The following VPS13B variants were observed in gnomAD, a reference collection of about 807,000 sequenced individuals.
VPS13B encodes the protein intermembrane lipid transfer protein VPS13B.
Under a neutral mutation model 426.4 loss-of-function variants are expected in VPS13B, and 285 were observed. The observed-to-expected ratio is 0.67, with a 90% CI of 0.61 to 0.74. The LOEUF (loss-of-function observed/expected upper bound fraction) is 0.74, where lower values mean the gene tolerates loss of function less well. VPS13B is among the 30% of genes least tolerant of loss of function. VPS13B has a pLI of 0.00. For missense variants in VPS13B, 4,537 were observed against 4,782.6 expected (o/e 0.95, Z 1.51); for synonymous variants, 1,676 against 1,676.4 (o/e 1.00, Z 0.01).
At chr8:99,136,633 T>C (rs775045751) in intron 11 of VPS13B, 32 bp from the exon 12 acceptor site, 1 of 1,610,354 alleles carries the variant, frequency 6.2e-7, no homozygotes, top group Non-Finnish European at 8.5e-7. Context: ...TTTTATACAA[T>C]GTTTATTCTG....
intron 33 of VPS13B, among the ~76,000 whole-genome samples, chr8:99,637,914 A>T (rs1829134611): frequency 6.6e-6 from 1 of 152,146 alleles, no homozygotes; most frequent in Admixed American, 6.6e-5. Context: ...ATGGAACTCA[A>T]CCTAAAGGAT....
chr8:99,456,269 A>G (rs1238848987), intron 23 of VPS13B, among the ~76,000 whole-genome samples: 12 of 152,112 alleles, frequency 7.9e-5, no homozygotes, highest in Non-Finnish European at 1.3e-4. Context: ...CCTGGGTTCA[A>G]GTGATTCTCG....
intron 21 of VPS13B, among the ~76,000 whole-genome samples, chr8:99,401,400 A>C (rs957398715): frequency 6.6e-6 from 1 of 152,232 alleles, no homozygotes; most frequent in Admixed American, 6.5e-5. Context: ...TTAACTGTAC[A>C]TGGTAAATTG....
intron 14 of VPS13B, 123 bp from the exon 15 acceptor site, chr8:99,156,426 G>T (rs976585381): frequency 6.7e-5 from 56 of 833,718 alleles, no homozygotes; most frequent in Non-Finnish European, 9.8e-5. Context: ...CTGTAGAAAG[G>T]CATCATTTCT....
intron 59 of VPS13B, among the ~76,000 whole-genome samples, chr8:99,869,676 T>C (rs373992779): frequency 3.0e-4 from 45 of 152,308 alleles, no homozygotes; most frequent in African/African-American, 8.9e-4. Context: ...TCTTTTGGTT[T>C]TGAAAATGCC....
At position 99,163,772 on chromosome 8, in the gene VPS13B, G is replaced by A. The variant is rs535166203; in HGVS notation, c.2209-6267G>A. On this transcript the variant is annotated intron_variant, in intron 15 of 61. Coordinates refer to ENST00000357162, the MANE Select transcript of VPS13B (RefSeq NM_152564.5). Reference sequence around the variant, plus strand: ...CCGCACACAGCCCCGGTTCCCGCTCGCGCCTCTCCCTCCACACCTCCCTGC... The same window carrying A: ...CCGCACACAGCCCCGGTTCCCGCTCACGCCTCTCCCTCCACACCTCCCTGC... Among the ~76,000 whole-genome samples the A allele has an allele frequency of 2.7e-4, 38 of 141,122 alleles. 1 individual carries two copies. Among genetic ancestry groups the A allele is most frequent in the Middle Eastern group, 7.0e-3 (2 of 284 alleles). The allele number at this position is 141,122 out of a possible 152,430, so 92.6% of individuals were successfully genotyped here.
intron 19 of VPS13B, among the ~76,000 whole-genome samples, chr8:99,352,215 GTAA>G (rs549851278): frequency 6.0e-4 from 92 of 152,154 alleles, no homozygotes; most frequent in Non-Finnish European, 1.1e-3. Flanking sequence ...AGTTATACCA[GTAA>G]TAGGCAGTCC....
intron 19 of VPS13B, among the ~76,000 whole-genome samples, chr8:99,368,378 G>T (rs16897313): frequency 0.02 from 3,098 of 152,230 alleles, 113 homozygotes; most frequent in African/African-American, 0.071. Context: ...GCTTCTCAAT[G>T]TGTTTATATG....
chr8:99,607,543 G>C (rs577802830), intron 33 of VPS13B, among the ~76,000 whole-genome samples: 2 of 152,264 alleles, frequency 1.3e-5, no homozygotes, highest in South Asian at 4.1e-4. Flanking sequence ...AAGCTCAAAA[G>C]TTAATAAGAG....
At chr8:99,189,382 A>G (rs550963870) in intron 16 of VPS13B, among the ~76,000 whole-genome samples, 19 of 152,220 alleles carry the variant, frequency 1.2e-4, no homozygotes, top group Admixed American at 2.0e-4. Context: ...ACTTCTTCGT[A>G]GCTGCACATT....
At chr8:99,448,163 T>TTATG (rs4068603) in intron 23 of VPS13B, among the ~76,000 whole-genome samples, 2 of 147,286 alleles carry the variant, frequency 1.4e-5, no homozygotes, top group Non-Finnish European at 3.0e-5. Flanking sequence ...ATTTATTTAT[T>TTATG]GCAAGAACTG....
At chr8:99,159,655 T>C (rs1811539762) in intron 15 of VPS13B, among the ~76,000 whole-genome samples, 1 of 152,140 alleles carries the variant, frequency 6.6e-6, no homozygotes, top group Admixed American at 6.6e-5. Context: ...TTTTTAGCAA[T>C]AAAGTACTTT....
Position 99,442,522 on chromosome 8 carries a change from C to T in VPS13B, c.3332C>T (p.Pro1111Leu), listed in dbSNP as rs576973103. Residue 1111 changes from proline (P) to leucine (L), a missense_variant, in exon 23 of 62, where the codon CCG becomes CTG. Physicochemically the swap from Pro to Leu is moderately conservative, Grantham distance 98 (BLOSUM62 -3). This residue lies in a region of VPS13B where 4,311 missense variants were observed against 4,474.3 expected (regional missense o/e 0.96). Coordinates refer to ENST00000357162, the MANE Select transcript of VPS13B (RefSeq NM_152564.5). ...RSWYHGQTSM[P>L]GTLVLCLPQI... Reference sequence around the variant, plus strand: ...TGGTACCATGGACAAACCAGCATGCCGGGAACACTTGTCCTCTGTTTGCCT... The same window carrying T: ...TGGTACCATGGACAAACCAGCATGCTGGGAACACTTGTCCTCTGTTTGCCT... 4.0e-5 allele frequency: 65 copies of T among 1,613,880 alleles called. No homozygotes were observed. The South Asian group carries it at 5.9e-4, about 15-fold the overall frequency.
intron 25 of VPS13B, among the ~76,000 whole-genome samples, chr8:99,497,094 ATATT>A (rs984620505): frequency 1.2e-3 from 169 of 143,454 alleles, no homozygotes; most frequent in African/African-American, 4.1e-3. Context: ...ATAAATATAT[ATATT>A]TATGTAATAT....
chr8:99,263,544 T>G (rs1216629115), intron 17 of VPS13B, among the ~76,000 whole-genome samples: 1 of 152,190 alleles, frequency 6.6e-6, no homozygotes, highest in Non-Finnish European at 1.5e-5. Flanking sequence ...TTTTTCTAGC[T>G]TTTAGAAATT....
chr8:99,640,701 T>A (rs927561489), intron 33 of VPS13B, among the ~76,000 whole-genome samples: 1 of 152,232 alleles, frequency 6.6e-6, no homozygotes, highest in African/African-American at 2.4e-5. Context: ...AAATGAAATG[T>A]TATGCAGCTT....
chr8:99,854,404 ATCTAGAGCCTGCCACTGTTAGC>A, intron 56 of VPS13B, 148 bp downstream of exon 56: 1 of 954,318 alleles, frequency 1.0e-6, no homozygotes, highest in South Asian at 1.4e-5. Flanking sequence ...CTGGATCTAA[ATCTAGAGCCTGCCACTGTTAGC>A]TGTAAGACTT....
intron 35 of VPS13B, among the ~76,000 whole-genome samples, chr8:99,695,300 A>G (rs1175801536): frequency 3.4e-5 from 5 of 148,692 alleles, no homozygotes; most frequent in African/African-American, 7.3e-5. Context: ...AACCAACCCA[A>G]ATGTCCAACA....
chr8:99,817,619 G>C lies in VPS13B; in HGVS notation c.8177G>C (p.Gly2726Ala). 1.9e-6 allele frequency: 3 copies of C among 1,613,990 alleles called. No individual in the cohort carries two copies. The highest frequency in any genetic ancestry group is 2.5e-6 in the Non-Finnish European group (3 of 1,179,980). Reference protein sequence around the residue: ...IELKVVQHYIGQDGQAVVREH... With the variant: ...IELKVVQHYIAQDGQAVVREH... The stretch of plus-strand genomic sequence containing the variant: ...CTAAAAGTCGTTCAGCATTACATTG[G>C]TCAAGATGGACAAGCTGTAGTTCGG... Residue 2726 changes from glycine (G) to alanine (A), a missense_variant, in exon 45 of 62, where the codon GGT becomes GCT. Around this residue, in one of 2 missense-constraint regions of VPS13B, gnomAD observed 4,311 missense variants for 4,474.3 expected, o/e 0.96. Coordinates refer to ENST00000357162, the MANE Select transcript of VPS13B (RefSeq NM_152564.5).
Sources: allele counts gnomAD v4.1 joint callset (sites outside exome capture counted in the v4.1 genomes callset), GRCh38; gene constraint gnomAD v4.1.1; regional missense constraint gnomAD v4.1.1; transcripts MANE v1.5; gene names NCBI Gene and HGNC (gene_info 2026-07-23, HGNC 2026-07-21).